The following CHMP4B variants were observed in gnomAD, a reference collection of about 807,000 sequenced individuals.
CHMP4B encodes charged multivesicular body protein 4B.
Under a neutral mutation model 25.1 loss-of-function variants are expected in CHMP4B, and 1 was observed. The ratio of observed to expected loss-of-function variants is 0.04; its 90% CI spans 0.01 to 0.19. CHMP4B has a LOEUF of 0.19. Ranked by LOEUF, CHMP4B falls within the 10% of genes least tolerant of loss-of-function variation. CHMP4B has a pLI of 1.00. For synonymous variants in CHMP4B, 101 were observed against 115.6 expected, an observed-to-expected ratio of 0.87 and a Z score of 0.81; for missense variants, 151 against 289.7, an observed-to-expected ratio of 0.52 and a Z score of 3.48.
At chr20:33,817,002 T>G (rs1395267157) in intron 1 of CHMP4B, among the ~76,000 whole-genome samples, 1 of 152,210 alleles carries the variant, frequency 6.6e-6, no homozygotes, top group East Asian at 1.9e-4. Context: ...CTCTCAAACA[T>G]GAGCATATGT....
At chr20:33,816,089 G>A (rs1978776005) in intron 1 of CHMP4B, among the ~76,000 whole-genome samples, 1 of 152,192 alleles carries the variant, frequency 6.6e-6, no homozygotes, top group African/African-American at 2.4e-5. Context: ...GTGTAGGTGT[G>A]TCCCAGGTAG....
Position 33,848,666 on chromosome 20 carries a change from C to T in CHMP4B, c.368+22C>T, listed in dbSNP as rs368393792. 3.0e-4 allele frequency: 488 copies of T among 1,613,538 alleles called. 3 individuals carry two copies. The Middle Eastern group carries it at 7.1e-3, about 23-fold the overall frequency. On this transcript the variant is annotated intron_variant, in intron 2 of 4. Coordinates refer to ENST00000217402, the MANE Select transcript of CHMP4B (RefSeq NM_176812.5). ...ACATGTACGTGTCCACCCGCCCCTG[C>T]GCCACAGGGCAGTGCTAGTCCCGGA... is the stretch of plus-strand genomic sequence containing the variant.
At chr20:33,847,732 G>C (rs140494221) in intron 1 of CHMP4B, among the ~76,000 whole-genome samples, 1 of 152,182 alleles carries the variant, frequency 6.6e-6, no homozygotes, top group East Asian at 1.9e-4. Context: ...TCTTGTTTTC[G>C]ATGATGGAGG....
At chr20:33,832,082 G>A (rs530398822) in intron 1 of CHMP4B, among the ~76,000 whole-genome samples, 1 of 151,988 alleles carries the variant, frequency 6.6e-6, no homozygotes, top group East Asian at 1.9e-4. Context: ...TAACAAGCGC[G>A]CACATTGGAA....
intron 1 of CHMP4B, among the ~76,000 whole-genome samples, chr20:33,823,661 C>G (rs1979007802): frequency 6.6e-6 from 1 of 152,176 alleles, no homozygotes; most frequent in Non-Finnish European, 1.5e-5. Flanking sequence ...TCTCAGCCTC[C>G]CAAGTATCTG....
At chr20:33,823,813 T>C (rs1979012735) in intron 1 of CHMP4B, among the ~76,000 whole-genome samples, 1 of 152,178 alleles carries the variant, frequency 6.6e-6, no homozygotes, top group Non-Finnish European at 1.5e-5. Flanking sequence ...GTGCTGGGAT[T>C]ACAGGTGTGA....
intron 1 of CHMP4B, among the ~76,000 whole-genome samples, chr20:33,827,843 G>A (rs1439312003): frequency 6.6e-6 from 1 of 152,230 alleles, no homozygotes; most frequent in Admixed American, 6.5e-5. Flanking sequence ...TAGGGGATTT[G>A]TCTCCTGTGT....
At chr20:33,822,275 C>G (rs916633980) in intron 1 of CHMP4B, among the ~76,000 whole-genome samples, 2 of 151,988 alleles carry the variant, frequency 1.3e-5, no homozygotes, top group Non-Finnish European at 2.9e-5. Context: ...TTGTAAGTAG[C>G]TGGGATTACA....
In CHMP4B at chr20:33,853,565, G is replaced by A; in HGVS notation, c.*5G>A. ...AACTGGGCTGGATCCATGTAATGGG[G>A]TCCAGCGCTGGCTGGGCCCAGACAG... On this transcript the variant is annotated 3_prime_UTR_variant, in exon 5 of 5. Coordinates refer to ENST00000217402, the MANE Select transcript of CHMP4B (RefSeq NM_176812.5). 6.2e-7 allele frequency: 1 copy of A among 1,613,314 alleles called. No homozygotes were observed. Among genetic ancestry groups the A allele is most frequent in the Non-Finnish European group, 8.5e-7 (1 of 1,179,358 alleles).
intron 1 of CHMP4B, among the ~76,000 whole-genome samples, chr20:33,839,918 T>C (rs538790573): frequency 2.6e-5 from 4 of 152,270 alleles, no homozygotes; most frequent in African/African-American, 9.6e-5. Flanking sequence ...CATAGATAGG[T>C]TGTTGGGAAG....
chr20:33,833,379 A>G (rs1053814217), intron 1 of CHMP4B, among the ~76,000 whole-genome samples: 2 of 152,164 alleles, frequency 1.3e-5, no homozygotes, highest in Non-Finnish European at 2.9e-5. Context: ...AACAGGTGAT[A>G]CAGGCCCATG....
intron 1 of CHMP4B, among the ~76,000 whole-genome samples, chr20:33,818,592 A>G (rs566381034): frequency 1.3e-5 from 2 of 152,354 alleles, no homozygotes; most frequent in South Asian, 2.1e-4. Context: ...GGTTGGGATA[A>G]TAGCTCCATA....
chr20:33,850,252 T>C (rs949698915), intron 2 of CHMP4B, among the ~76,000 whole-genome samples: 13 of 152,214 alleles, frequency 8.5e-5, no homozygotes, highest in African/African-American at 3.1e-4. Flanking sequence ...TCTAGAAATG[T>C]GAGGTTGCAG....
Position 33,848,451 on chromosome 20 carries a change from T to C in CHMP4B, c.191-16T>C, listed in dbSNP as rs1355224176. The C allele has an allele frequency of 3.1e-6, 5 of 1,613,652 alleles. No homozygotes were observed. The highest frequency in any genetic ancestry group is 4.2e-6 in the Non-Finnish European group (5 of 1,179,972). ...GTGCCGGGACTCTCTGAAACCCTGT[T>C]TTCTCCCTCACGCAGCGGCCCTCCA... On this transcript the variant is annotated splice_polypyrimidine_tract_variant and intron_variant, in intron 1 of 4. Transcript: ENST00000217402.
chr20:33,823,234 C>A lies in CHMP4B; in HGVS notation c.190+11576C>A, dbSNP rs568315040. Among the ~76,000 whole-genome samples, 11 of 151,804 alleles carry A rather than the reference C, an allele frequency of 7.2e-5. 1 individual carries two copies. In the South Asian group the frequency reaches 2.3e-3, roughly 32 times the overall value. On this transcript the variant is annotated intron_variant, in intron 1 of 4. Coordinates refer to ENST00000217402, the MANE Select transcript of CHMP4B (RefSeq NM_176812.5). ...CTTTACAAACTTGATCATGTTTGAT[C>A]TTTTCAGCAACTCCATGTGTGAGTG...
In CHMP4B at chr20:33,813,153, A is replaced by AG. The variant is rs1217219496; in HGVS notation, c.190+1495_190+1496insG. On this transcript the variant is annotated intron_variant, in intron 1 of 4. Transcript: ENST00000217402. ...AAGGAACCAGCTCTGTAAAAAAAAA[A>AG]AAAAAAGGGGGAGGAGCCTTCTGGG... is the stretch of plus-strand genomic sequence containing the variant. Among the ~76,000 whole-genome samples, 87 of 151,952 alleles carry AG rather than the reference A, an allele frequency of 5.7e-4. 1 individual carries two copies. Among genetic ancestry groups the AG allele is most frequent in the Admixed American group, 2.6e-4 (4 of 15,248 alleles).
intron 1 of CHMP4B, among the ~76,000 whole-genome samples, chr20:33,828,705 T>C (rs1234915131): frequency 1.3e-5 from 2 of 152,052 alleles, no homozygotes; most frequent in Non-Finnish European, 2.9e-5. Flanking sequence ...AGGAAGTCTA[T>C]AAAGAGACCT....
chr20:33,818,157 C>A (rs1370013645), intron 1 of CHMP4B, among the ~76,000 whole-genome samples: 2 of 152,188 alleles, frequency 1.3e-5, no homozygotes, highest in East Asian at 3.8e-4. Flanking sequence ...AAACTGTTTC[C>A]TTGGCTTCCC....
At chr20:33,848,965 G>A (rs956685843) in intron 2 of CHMP4B, among the ~76,000 whole-genome samples, 2 of 152,160 alleles carry the variant, frequency 1.3e-5, no homozygotes, top group Non-Finnish European at 2.9e-5. Context: ...AGAGGGAAGC[G>A]GATTTGCCCT....
Sources: gnomAD v4.1 joint callset for allele counts (sites outside exome capture counted in the v4.1 genomes callset) on GRCh38, gnomAD v4.1.1 for gene constraint, MANE v1.5 for transcripts, NCBI Gene and HGNC (gene_info 2026-07-23, HGNC 2026-07-21) for gene names.